SHISA2: variants seen among roughly 807,000 people sequenced by gnomAD.
SHISA2 encodes the protein shisa family member 2.
A neutral mutation model predicts 23.8 loss-of-function variants in SHISA2; 16 were observed. That is an observed-to-expected ratio of 0.67 (90% CI 0.46 to 1.02). SHISA2 has a LOEUF of 1.02. SHISA2 is among the 50% of genes least tolerant of loss of function. The pLI is 0.00. For missense variants in SHISA2, 459 were observed against 420.1 expected (o/e 1.09, Z -0.81); for synonymous variants, 201 against 178.6 (o/e 1.13, Z -1.00).
chr13:26,051,033 A>G lies in SHISA2; in HGVS notation c.-58T>C. 1 of 1,395,544 alleles carries G rather than the reference A, an allele frequency of 7.2e-7. No individual in the cohort carries two copies. Among genetic ancestry groups the G allele is most frequent in the South Asian group, 1.5e-5 (1 of 65,984 alleles). 86.4% of individuals were successfully genotyped at this position (1,395,544 alleles called of 1,614,324 possible). A position where few individuals can be genotyped will look rare whatever the true frequency, so the allele number is the denominator to read the frequency against. On this transcript the variant is annotated 5_prime_UTR_variant, in exon 1 of 2. Coordinates refer to ENST00000319420, the MANE Select transcript of SHISA2 (RefSeq NM_001007538.2). ...AGAGAGCGCAGGACGGTCTCCGAGA[A>G]GTCGTGGCCCCGGCGACCCCCGGGC...
chr13:26,051,049 A>T lies in SHISA2; in HGVS notation c.-74T>A. ...TCTCCGAGAAGTCGTGGCCCCGGCG[A>T]CCCCCGGGCCTCGTCACTGACTGTC... On this transcript the variant is annotated 5_prime_UTR_variant, in exon 1 of 2. Transcript: ENST00000319420. The T allele has an allele frequency of 7.7e-7, 1 of 1,302,202 alleles. No homozygotes were observed. Among genetic ancestry groups the T allele is most frequent in the Non-Finnish European group, 1.0e-6 (1 of 999,834 alleles). 80.7% of individuals were successfully genotyped at this position (1,302,202 alleles called of 1,614,324 possible).
In SHISA2 at chr13:26,044,634, T is replaced by C. The variant is rs571886932; in HGVS notation, c.*1879A>G. On this transcript the variant is annotated 3_prime_UTR_variant, in exon 2 of 2. Coordinates refer to ENST00000319420, the MANE Select transcript of SHISA2 (RefSeq NM_001007538.2). ...AATATTTATTAATAAGTAAAATGAT[T>C]TTCCCCTGCCTTTGGTTATTAAAAA... 51 of 152,214 alleles carry C rather than the reference T, an allele frequency of 3.4e-4. 1 individual carries two copies. Among genetic ancestry groups the C allele is most frequent in the Non-Finnish European group, 4.4e-5 (3 of 68,044 alleles). 9.4% of individuals were successfully genotyped at this position (152,214 alleles called of 1,614,324 possible).
chr13:26,050,253 C>A lies in SHISA2; in HGVS notation c.334+389G>T, dbSNP rs965124026. On this transcript the variant is annotated intron_variant, in intron 1 of 1. Transcript: ENST00000319420. ...TCGGGGAGCCTTCAGGGGAGCACCG[C>A]TGCCAGGCCCTCACGGGTGGGGGCG... Among the ~76,000 whole-genome samples the A allele has an allele frequency of 3.3e-5, 5 of 152,174 alleles. No homozygotes were observed. The East Asian group carries it at 5.8e-4, about 18-fold the overall frequency.
rs1301545548 is a variant in SHISA2 at position 26,044,662 on chromosome 13, G to A, written c.*1851C>T. ...CCCCTGCCTTTGGTTATTAAAAAAT[G>A]AGTATCATTGATGATACCAATTGCC... On this transcript the variant is annotated 3_prime_UTR_variant, in exon 2 of 2. Transcript: ENST00000319420. 1 of 152,130 alleles carries A rather than the reference G, an allele frequency of 6.6e-6. No individual in the cohort carries two copies. Among genetic ancestry groups the A allele is most frequent in the Non-Finnish European group, 1.5e-5 (1 of 68,030 alleles). The allele number at this position is 152,130 out of a possible 1,614,324, so 9.4% of individuals were successfully genotyped here.
rs1430995968 is a variant in SHISA2, at chr13:26,044,938, G to A, written c.*1575C>T. On this transcript the variant is annotated 3_prime_UTR_variant, in exon 2 of 2. Transcript: ENST00000319420. Reference sequence around the variant, plus strand: ...ATTGGCAATGAATACAGTGCCTGTTGAGGCCTGAAAGAGAGAGGAAATCAA... The same window carrying A: ...ATTGGCAATGAATACAGTGCCTGTTAAGGCCTGAAAGAGAGAGGAAATCAA... The A allele has an allele frequency of 6.6e-6, 1 of 152,180 alleles. No individual in the cohort carries two copies. Among genetic ancestry groups the A allele is most frequent in the Non-Finnish European group, 1.5e-5 (1 of 68,026 alleles). The allele number at this position is 152,180 out of a possible 1,614,324, so 9.4% of individuals were successfully genotyped here. A position where few individuals can be genotyped will look rare whatever the true frequency, so the allele number is the denominator to read the frequency against.
intron 1 of SHISA2, among the ~76,000 whole-genome samples, chr13:26,049,911 G>T (rs1275216197): frequency 8.2e-6 from 1 of 122,210 alleles, no homozygotes; most frequent in Non-Finnish European, 1.8e-5. Flanking sequence ...CGGAGTGACT[G>T]GTGTAGACAC....
chr13:26,046,572 G>C lies in SHISA2; in HGVS notation c.829C>G (p.Gln277Glu). The change falls in exon 2 of 2, where the codon CAG (glutamine) becomes GAG (glutamate). Residue 277 changes from glutamine (Q) to glutamate (E), a missense_variant. Transcript: ENST00000319420. ...CTGTTGGTGTGAGGGAAGGGGGACT[G>C]AATCTGCCTGTAGCCAGGCTGCAGG... The part of the protein sequence containing the change: ...DGLQPGYRQI[Q>E]SPFPHTNSEQ... The C allele has an allele frequency of 6.2e-7, 1 of 1,614,062 alleles. No homozygotes were observed. The highest frequency in any genetic ancestry group is 8.5e-7 in the Non-Finnish European group (1 of 1,180,006).
In SHISA2 at chr13:26,050,711, C is replaced by T; in HGVS notation, c.265G>A (p.Asp89Asn). ...AEARLDQGGC[D>N]NDRQQGAGEP... ...CCAGCGCCCTGCTGGCGGTCATTGT[C>T]GCAGCCGCCCTGGTCCAGGCGCGCC... Residue 89 changes from aspartate to asparagine, a missense_variant, in exon 1 of 2, where the codon GAC becomes AAC. Coordinates refer to ENST00000319420, the MANE Select transcript of SHISA2 (RefSeq NM_001007538.2). The T allele has an allele frequency of 1.4e-6, 2 of 1,479,944 alleles. No individual in the cohort carries two copies. The highest frequency in any genetic ancestry group is 1.3e-5 in the South Asian group (1 of 78,254). 91.7% of individuals were successfully genotyped at this position (1,479,944 alleles called of 1,614,324 possible).
intron 1 of SHISA2, among the ~76,000 whole-genome samples, chr13:26,050,122 G>A (rs1165141009): frequency 2.0e-5 from 3 of 152,228 alleles, no homozygotes; most frequent in Admixed American, 6.5e-5. Context: ...AGCCCCACAG[G>A]CGGGCCGCTG....
rs2137483937 is a variant in SHISA2, at chr13:26,044,922, G to A, written c.*1591C>T. On this transcript the variant is annotated 3_prime_UTR_variant, in exon 2 of 2. Coordinates refer to ENST00000319420, the MANE Select transcript of SHISA2 (RefSeq NM_001007538.2). The stretch of plus-strand genomic sequence containing the variant: ...TTTGATAATTTGGAACATTGGCAAT[G>A]AATACAGTGCCTGTTGAGGCCTGAA... The A allele has an allele frequency of 6.6e-6, 1 of 152,324 alleles. No individual in the cohort carries two copies. The highest frequency in any genetic ancestry group is 1.9e-4 in the East Asian group (1 of 5,190). The allele number at this position is 152,324 out of a possible 1,614,324, so 9.4% of individuals were successfully genotyped here. A position where few individuals can be genotyped will look rare whatever the true frequency, so the allele number is the denominator to read the frequency against.
At chr13:26,049,883 C>CAT (rs2137488519) in intron 1 of SHISA2, among the ~76,000 whole-genome samples, 1 of 151,824 alleles carries the variant, frequency 6.6e-6, no homozygotes, top group African/African-American at 2.4e-5. Context: ...CACACACACA[C>CAT]ACACACACAC....
At position 26,046,841 on chromosome 13, in the gene SHISA2, G is replaced by A. The variant is rs748388093; in HGVS notation, c.560C>T (p.Ser187Phe). ...SSRQSSTAAS[S>F]SSSANSGARA... ...GGCCCCTGAGTTGGCGCTGGAGCTGGAACTGGCAGCTGTGCTGGACTGGCG... is the reference window on the plus strand; with the variant it reads ...GGCCCCTGAGTTGGCGCTGGAGCTGAAACTGGCAGCTGTGCTGGACTGGCG... The change falls in exon 2 of 2, where the codon TCC becomes TTC. Residue 187 changes from serine (S) to phenylalanine (F), a missense_variant. Ser to Phe is a radical substitution (Grantham distance 155, BLOSUM62 -2). Coordinates refer to ENST00000319420, the MANE Select transcript of SHISA2 (RefSeq NM_001007538.2). 3.7e-6 allele frequency: 6 copies of A among 1,614,006 alleles called. No individual in the cohort carries two copies. The Admixed American group carries it at 5.0e-5, about 13-fold the overall frequency.
chr13:26,049,228 T>C (rs1018946973), intron 1 of SHISA2, among the ~76,000 whole-genome samples: 1 of 152,160 alleles, frequency 6.6e-6, no homozygotes, highest in Non-Finnish European at 1.5e-5. Context: ...TACACAGGGA[T>C]AAGGAATGTA....
rs1176762541 is a variant in SHISA2 at position 26,044,834 on chromosome 13, T to G, written c.*1679A>C. ...TTGTGCTAGCAGTTGGAAATGTACT[T>G]GCACATCCTTAAAGTTATCTTTTTT... On this transcript the variant is annotated 3_prime_UTR_variant, in exon 2 of 2. Coordinates refer to ENST00000319420, the MANE Select transcript of SHISA2 (RefSeq NM_001007538.2). 1 of 152,244 alleles carries G rather than the reference T, an allele frequency of 6.6e-6. No homozygotes were observed. Among genetic ancestry groups the G allele is most frequent in the Non-Finnish European group, 1.5e-5 (1 of 68,044 alleles). 9.4% of individuals were successfully genotyped at this position (152,244 alleles called of 1,614,324 possible). A position where few individuals can be genotyped will look rare whatever the true frequency, so the allele number is the denominator to read the frequency against.
At chr13:26,047,870 G>A (rs929443089) in intron 1 of SHISA2, among the ~76,000 whole-genome samples, 1 of 152,162 alleles carries the variant, frequency 6.6e-6, no homozygotes, top group Non-Finnish European at 1.5e-5. Context: ...AGCCAAGAAG[G>A]CAAGAGTACA....
chr13:26,046,716 A>G lies in SHISA2; in HGVS notation c.685T>C (p.Cys229Arg), dbSNP rs760524454. Residue 229 changes from cysteine to arginine, a missense_variant, in exon 2 of 2, where the codon TGT becomes CGT. By Grantham distance (180) the Cys-to-Arg change is radical. Coordinates refer to ENST00000319420, the MANE Select transcript of SHISA2 (RefSeq NM_001007538.2). ...GGCACAATCTGGGTGGCCTGCTGAC[A>G]GTTCAGCACAGAGAAATTCGTGGGC... ...NMPTNFSVLNCQQATQIVPHQ... is the reference protein window; with the variant it reads ...NMPTNFSVLNRQQATQIVPHQ... The G allele has an allele frequency of 5.0e-6, 8 of 1,614,252 alleles. No individual in the cohort carries two copies. The highest frequency in any genetic ancestry group is 6.8e-6 in the Non-Finnish European group (8 of 1,180,042).
Position 26,046,371 on chromosome 13 carries a change from T to A in SHISA2, c.*142A>T. On this transcript the variant is annotated 3_prime_UTR_variant, in exon 2 of 2. Coordinates refer to ENST00000319420, the MANE Select transcript of SHISA2 (RefSeq NM_001007538.2). ...ATATCCAGAAATGCTAATTCGGAGATGTTTTCATACAGTCTGGGGGCAAAT... is the reference window on the plus strand; with the variant it reads ...ATATCCAGAAATGCTAATTCGGAGAAGTTTTCATACAGTCTGGGGGCAAAT... 1.2e-6 allele frequency: 1 copy of A among 803,400 alleles called. No individual in the cohort carries two copies. The allele number at this position is 803,400 out of a possible 1,614,324, so 49.8% of individuals were successfully genotyped here.
Position 26,050,637 on chromosome 13 carries a change from C to A in SHISA2, c.334+5G>T. ...CCCTTTCGCGCTGGGCGCAGGCCGC[C>A]CTACCTGCCGAGCCGTCGGGGCCGT... On this transcript the variant is annotated splice_donor_5th_base_variant and intron_variant, in intron 1 of 1. Coordinates refer to ENST00000319420, the MANE Select transcript of SHISA2 (RefSeq NM_001007538.2). 1 of 1,394,744 alleles carries A rather than the reference C, an allele frequency of 7.2e-7. No individual in the cohort carries two copies. The highest frequency in any genetic ancestry group is 1.6e-5 in the South Asian group (1 of 63,394). 86.4% of individuals were successfully genotyped at this position (1,394,744 alleles called of 1,614,324 possible).
In SHISA2 at chr13:26,050,986, T is replaced by G; in HGVS notation, c.-11A>C. Reference sequence around the variant, plus strand: ...GCGAGCGCCCCACATGGCACCACCCTGGGCGCGGACAGCGCGTCTCCAGAG... The same window carrying G: ...GCGAGCGCCCCACATGGCACCACCCGGGGCGCGGACAGCGCGTCTCCAGAG... On this transcript the variant is annotated 5_prime_UTR_variant, in exon 1 of 2. Coordinates refer to ENST00000319420, the MANE Select transcript of SHISA2 (RefSeq NM_001007538.2). 4 of 1,491,976 alleles carry G rather than the reference T, an allele frequency of 2.7e-6. No individual in the cohort carries two copies. The highest frequency in any genetic ancestry group is 3.5e-6 in the Non-Finnish European group (4 of 1,129,740). 92.4% of individuals were successfully genotyped at this position (1,491,976 alleles called of 1,614,324 possible).
Sources: allele counts gnomAD v4.1 joint callset (sites outside exome capture counted in the v4.1 genomes callset), GRCh38; gene constraint gnomAD v4.1.1; transcripts MANE v1.5; gene names NCBI Gene and HGNC (gene_info 2026-07-23, HGNC 2026-07-21).